The following RAB28 variants were observed in gnomAD, a reference collection of about 807,000 sequenced individuals.
RAB28 encodes the protein ras-related protein Rab-28.
A neutral mutation model predicts 31.7 loss-of-function variants in RAB28; 24 were observed. That is an observed-to-expected ratio of 0.76 (90% CI 0.55 to 1.06). The LOEUF is 1.06. Ranked by LOEUF, RAB28 falls within the 50% of genes least tolerant of loss-of-function variation. The pLI is 0.00. For missense variants in RAB28, 254 were observed against 258.5 expected (o/e 0.98, Z 0.12); for synonymous variants, 100 against 90.4 (o/e 1.11, Z -0.60).
At chr4:13,440,745 C>T (rs944388985) in intron 4 of RAB28, among the ~76,000 whole-genome samples, 2 of 151,700 alleles carry the variant, frequency 1.3e-5, no homozygotes, top group African/African-American at 2.4e-5. Context: ...AATGTGAGTC[C>T]ATTTGGAGAC....
At chr4:13,460,511 C>T (rs1715538369) in intron 4 of RAB28, among the ~76,000 whole-genome samples, 188 bp downstream of exon 4, 1 of 152,188 alleles carries the variant, frequency 6.6e-6, no homozygotes, top group Non-Finnish European at 1.5e-5. Context: ...CCACTGCGCC[C>T]TGCCAGATGT....
At chr4:13,457,211 T>C (rs528578580) in intron 4 of RAB28, among the ~76,000 whole-genome samples, 21 of 152,330 alleles carry the variant, frequency 1.4e-4, no homozygotes, top group African/African-American at 5.1e-4. Flanking sequence ...CCATCACATC[T>C]CTTGCTTTGC....
chr4:13,418,930 A>C (rs896322075), intron 4 of RAB28, among the ~76,000 whole-genome samples: 2 of 152,224 alleles, frequency 1.3e-5, no homozygotes, highest in Non-Finnish European at 2.9e-5. Context: ...AATGGGCTAA[A>C]TGCCCCAATT....
At chr4:13,435,666 T>C (rs1190855900) in intron 4 of RAB28, among the ~76,000 whole-genome samples, 1 of 152,032 alleles carries the variant, frequency 6.6e-6, no homozygotes, top group Non-Finnish European at 1.5e-5. Flanking sequence ...CCTTCAATAT[T>C]AAACCAGAAA....
intron 4 of RAB28, among the ~76,000 whole-genome samples, chr4:13,410,394 C>T (rs1296637315): frequency 6.6e-6 from 1 of 152,058 alleles, no homozygotes. Flanking sequence ...ACCTACCTAC[C>T]ATTAGAAGCC....
chr4:13,466,684 A>G (rs1715860336), intron 3 of RAB28, among the ~76,000 whole-genome samples: 2 of 151,882 alleles, frequency 1.3e-5, no homozygotes, highest in African/African-American at 4.8e-5. Flanking sequence ...ACTTCTGTGT[A>G]TTTACCCAAA....
At position 13,388,212 on chromosome 4, in the gene RAB28, C is replaced by T. The variant is rs562941670; in HGVS notation, c.392-6618G>A. ...TAGAATAGAAAGCCCAGAAATAAACCTCACATATATGGCCAAATGATCTTC... is the reference window on the plus strand; with the variant it reads ...TAGAATAGAAAGCCCAGAAATAAACTTCACATATATGGCCAAATGATCTTC... On this transcript the variant is annotated intron_variant, in intron 4 of 6. Coordinates refer to ENST00000330852, the MANE Select transcript of RAB28 (RefSeq NM_001017979.3). Among the ~76,000 whole-genome samples, 4 of 152,062 alleles carry T rather than the reference C, an allele frequency of 2.6e-5. No individual in the cohort carries two copies. The South Asian group carries it at 8.3e-4, about 32-fold the overall frequency.
At position 13,376,554 on chromosome 4, in the gene RAB28, T is replaced by C. The variant is rs561339290; in HGVS notation, c.564A>G (p.Glu188=). ...LGIKLNKAEI[E]QSQRVVKADI... ...AGTTCAAGGTAATCACCTGTGACTG[T>C]TCTATTTCTGCTTTGTTTAATTTGA... The change falls in exon 6 of 7, where the codon GAA becomes GAG. Residue 188 remains glutamate, a synonymous_variant. Transcript: ENST00000330852. 2 of 1,602,452 alleles carry C rather than the reference T, an allele frequency of 1.2e-6. No individual in the cohort carries two copies. The highest frequency in any genetic ancestry group is 2.7e-5 in the African/African-American group (2 of 74,688).
intron 4 of RAB28, among the ~76,000 whole-genome samples, chr4:13,383,417 CAA>C (rs1393343272): frequency 6.6e-6 from 1 of 152,032 alleles, no homozygotes; most frequent in East Asian, 1.9e-4. Flanking sequence ...ACTACTCAAA[CAA>C]AAGTTTTTTT....
intron 4 of RAB28, among the ~76,000 whole-genome samples, chr4:13,418,799 T>C (rs1285421477): frequency 6.6e-6 from 1 of 152,248 alleles, no homozygotes; most frequent in African/African-American, 2.4e-5. Context: ...TGCAAAAACA[T>C]GTCAAATTGT....
At chr4:13,398,607 T>A (rs1711575496) in intron 4 of RAB28, among the ~76,000 whole-genome samples, 1 of 151,878 alleles carries the variant, frequency 6.6e-6, no homozygotes, top group Non-Finnish European at 1.5e-5. Context: ...CGAAACCCCA[T>A]CTCTACTAAA....
At chr4:13,464,848 A>G (rs28858473) in intron 3 of RAB28, among the ~76,000 whole-genome samples, 11,017 of 152,148 alleles carry the variant, frequency 0.072, 944 homozygotes, top group African/African-American at 0.21. Flanking sequence ...CTCAGATATG[A>G]AACAGATTTT....
At chr4:13,450,712 T>C (rs928583036) in intron 4 of RAB28, among the ~76,000 whole-genome samples, 47 of 151,968 alleles carry the variant, frequency 3.1e-4, no homozygotes, top group African/African-American at 1.1e-3. Flanking sequence ...AAAGGAAGAC[T>C]GGGTGGCTCC....
rs149817430 is a variant in RAB28, at chr4:13,478,121, T to C, written c.172+1309A>G. On this transcript the variant is annotated intron_variant, in intron 2 of 6. Transcript: ENST00000330852. ...TGCAAAAATAAGCTTCCAGCATCTG[T>C]ATTATGTGATCTGTGTATGTATTCA... 1.7e-4 allele frequency among the ~76,000 whole-genome samples: 26 copies of C among 151,746 alleles called. 1 individual carries two copies. In the Middle Eastern group the frequency reaches 0.02, roughly 119 times the overall value.
chr4:13,419,768 T>G (rs1295826397), intron 4 of RAB28, among the ~76,000 whole-genome samples: 2 of 152,124 alleles, frequency 1.3e-5, no homozygotes, highest in African/African-American at 4.8e-5. Context: ...AGAGGGAAAT[T>G]CATAGCACTA....
At chr4:13,450,799 CAA>C (rs535954860) in intron 4 of RAB28, among the ~76,000 whole-genome samples, 2 of 151,328 alleles carry the variant, frequency 1.3e-5, no homozygotes, top group Admixed American at 6.6e-5. Context: ...AAAGCAAAGA[CAA>C]GAGGGAAAAT....
chr4:13,380,470 T>C (rs928035861), intron 5 of RAB28, among the ~76,000 whole-genome samples: 1 of 151,572 alleles, frequency 6.6e-6, no homozygotes, highest in African/African-American at 2.4e-5. Context: ...CAATAGAAAG[T>C]TATAACAAGT....
chr4:13,444,379 C>T (rs1472133522), intron 4 of RAB28, among the ~76,000 whole-genome samples: 1 of 151,504 alleles, frequency 6.6e-6, no homozygotes, highest in East Asian at 1.9e-4. Context: ...TGTGTGTATA[C>T]AAATATATAT....
intron 3 of RAB28, among the ~76,000 whole-genome samples, chr4:13,472,694 T>C (rs1553815525): frequency 6.6e-6 from 1 of 151,900 alleles, no homozygotes; most frequent in Non-Finnish European, 1.5e-5. Flanking sequence ...ACAGATTTTA[T>C]GGAACAAAGA....
Sources: gnomAD v4.1 joint callset for allele counts (sites outside exome capture counted in the v4.1 genomes callset) on GRCh38, gnomAD v4.1.1 for gene constraint, MANE v1.5 for transcripts, NCBI Gene and HGNC (gene_info 2026-07-23, HGNC 2026-07-21) for gene names.